The following KCNIP1 variants were observed in gnomAD, a reference collection of about 807,000 sequenced individuals.
KCNIP1 encodes A-type potassium channel modulatory protein KCNIP1.
In KCNIP1, 18 loss-of-function variants were observed where a neutral mutation model predicts 33.0. The ratio of observed to expected loss-of-function variants is 0.55; its 90% CI spans 0.38 to 0.81. The LOEUF (loss-of-function observed/expected upper bound fraction) is 0.81. Among genes scored for constraint, KCNIP1 ranks in the 30% least tolerant of loss-of-function variants. The pLI is 0.00. For missense variants in KCNIP1, 238 were observed against 271.6 expected, an observed-to-expected ratio of 0.88 and a Z score of 0.87; for synonymous variants, 93 against 98.3, an observed-to-expected ratio of 0.95 and a Z score of 0.32.
In KCNIP1 at chr5:170,597,784, A is replaced by AAT. The variant is rs10525595; in HGVS notation, c.61+93196_61+93197dup. ...ACTTCTGATGCTGGAGAGAGAGATA[A>AAT]ATATATATATATATATATATATATA... On this transcript the variant is annotated intron_variant, in intron 1 of 7. Transcript: ENST00000328939. Among the ~76,000 whole-genome samples the AAT allele has an allele frequency of 3.3e-3, 438 of 133,990 alleles. 1 individual carries two copies. Among genetic ancestry groups the AAT allele is most frequent in the African/African-American group, 4.9e-3 (160 of 32,490 alleles). 87.9% of individuals were successfully genotyped at this position (133,990 alleles called of 152,430 possible).
intron 1 of KCNIP1, among the ~76,000 whole-genome samples, chr5:170,390,517 A>AAAAAAAAAAAAATATATAT: frequency 5.4e-5 from 4 of 74,542 alleles, no homozygotes; most frequent in African/African-American, 2.6e-4. Context: ...AAAAAAAACA[A>AAAAAAAAAAAAATATATAT]ATATATATAT....
intron 1 of KCNIP1, among the ~76,000 whole-genome samples, chr5:170,676,441 G>T (rs1581484932): frequency 6.6e-6 from 1 of 152,230 alleles, no homozygotes; most frequent in Non-Finnish European, 1.5e-5. Flanking sequence ...TTAAATAATT[G>T]CTTTCTGATA....
chr5:170,399,556 G>T (rs1259260189), intron 1 of KCNIP1, among the ~76,000 whole-genome samples: 1 of 152,102 alleles, frequency 6.6e-6, no homozygotes, highest in Non-Finnish European at 1.5e-5. Flanking sequence ...AATCAATCAA[G>T]ATTCAATATC....
chr5:170,428,725 A>G (rs1755668868), intron 1 of KCNIP1, among the ~76,000 whole-genome samples: 1 of 151,964 alleles, frequency 6.6e-6, no homozygotes, highest in Non-Finnish European at 1.5e-5. Flanking sequence ...TCACCTTCCC[A>G]CCCTTTATGG....
chr5:170,429,423 G>A (rs1027940466), intron 1 of KCNIP1, among the ~76,000 whole-genome samples: 1 of 152,036 alleles, frequency 6.6e-6, no homozygotes, highest in South Asian at 2.1e-4. Flanking sequence ...TGTAGGTGAA[G>A]CAACTGAAAT....
At chr5:170,599,577 C>T (rs1758611854) in intron 1 of KCNIP1, among the ~76,000 whole-genome samples, 1 of 151,880 alleles carries the variant, frequency 6.6e-6, no homozygotes, top group Admixed American at 6.6e-5. Flanking sequence ...GCCCTCCCAC[C>T]CCGAGATTCC....
rs72835781 is a variant in KCNIP1, at chr5:170,355,073, C to T, written c.88+1109C>T. Among the ~76,000 whole-genome samples the T allele has an allele frequency of 5.3e-3, 804 of 152,284 alleles. 4 individuals are homozygous for T. The highest frequency in any genetic ancestry group is 8.7e-3 in the Non-Finnish European group (595 of 68,016). On this transcript the variant is annotated intron_variant, in intron 1 of 7. Transcript: ENST00000377360. Reference sequence around the variant, plus strand: ...CACCCAGCGGGTCTGGCCCAGTGTACGTTGTGTGGCATGTGTGGGTGGTGG... The same window carrying T: ...CACCCAGCGGGTCTGGCCCAGTGTATGTTGTGTGGCATGTGTGGGTGGTGG...
chr5:170,706,951 T>C (rs913537815), intron 1 of KCNIP1, among the ~76,000 whole-genome samples: 1 of 152,160 alleles, frequency 6.6e-6, no homozygotes, highest in Non-Finnish European at 1.5e-5. Flanking sequence ...ATTGTTCATT[T>C]ACTGGCTATC....
At chr5:170,437,890 G>A (rs193131985) in intron 1 of KCNIP1, among the ~76,000 whole-genome samples, 48 of 152,290 alleles carry the variant, frequency 3.2e-4, no homozygotes, top group Non-Finnish European at 6.5e-4. Context: ...GCACATGACC[G>A]AACAAACCTT....
intron 1 of KCNIP1, among the ~76,000 whole-genome samples, chr5:170,355,477 G>A (rs888998036): frequency 6.6e-6 from 1 of 152,156 alleles, no homozygotes; most frequent in African/African-American, 2.4e-5. Flanking sequence ...TCTCATGGAG[G>A]GCTTGTCCCC....
chr5:170,498,439 T>C lies in KCNIP1; in HGVS notation c.88+144475T>C, dbSNP rs75750816. Among the ~76,000 whole-genome samples, 1,083 of 152,296 alleles carry C rather than the reference T, an allele frequency of 7.1e-3. 12 individuals carry two copies. Among genetic ancestry groups the C allele is most frequent in the African/African-American group, 0.025 (1,023 of 41,552 alleles). ...CTTCCCTGCCCTCTGAAGATCTATA[T>C]GTCCTATGTCATCACTTCACTGTTC... On this transcript the variant is annotated intron_variant, in intron 1 of 7. Coordinates refer to the KCNIP1 transcript ENST00000377360.
intron 1 of KCNIP1, chr5:170,378,357 A>G: frequency 9.1e-6 from 2 of 219,082 alleles, no homozygotes; most frequent in Non-Finnish European, 1.8e-5. Context: ...TTGAGACAAC[A>G]GGGAGAACTC....
chr5:170,710,875 C>T (rs1763420669), intron 1 of KCNIP1, among the ~76,000 whole-genome samples: 1 of 152,166 alleles, frequency 6.6e-6, no homozygotes, highest in African/African-American at 2.4e-5. Flanking sequence ...CCCATGCCAC[C>T]CAGGAGGCAC....
At position 170,718,770 on chromosome 5, in the gene KCNIP1, ATGAGC is replaced by A; in HGVS notation, c.77_81del (p.Glu26GlyfsTer36). On this transcript the variant is annotated frameshift_variant, in exon 2 of 8. Transcript: ENST00000328939. LOFTEE classifies it high-confidence loss of function. ...CCTCTGGTTCCAGATAAGATTGAAG[ATGAGC>A]TGGAGATGACCATGGTTTGCCATCG... 6.2e-7 allele frequency: 1 copy of A among 1,613,612 alleles called. No homozygotes were observed. The highest frequency in any genetic ancestry group is 8.5e-7 in the Non-Finnish European group (1 of 1,179,802).
chr5:170,532,576 G>A (rs1203239563), intron 1 of KCNIP1, among the ~76,000 whole-genome samples: 1 of 152,128 alleles, frequency 6.6e-6, no homozygotes, highest in Non-Finnish European at 1.5e-5. Flanking sequence ...TGGACATGAG[G>A]AGATATTGGT....
chr5:170,362,845 C>G (rs1022404187), intron 1 of KCNIP1, among the ~76,000 whole-genome samples: 1 of 152,276 alleles, frequency 6.6e-6, no homozygotes, highest in South Asian at 2.1e-4. Flanking sequence ...CAGGCTGGGC[C>G]GAGCCCAGGC....
chr5:170,594,129 G>T (rs1758361432), intron 1 of KCNIP1, among the ~76,000 whole-genome samples: 2 of 152,228 alleles, frequency 1.3e-5, no homozygotes, highest in Admixed American at 6.5e-5. Flanking sequence ...CACAGCTAGA[G>T]ATTGGCAACC....
At chr5:170,466,806 C>T (rs1206469308) in intron 1 of KCNIP1, among the ~76,000 whole-genome samples, 2 of 152,254 alleles carry the variant, frequency 1.3e-5, no homozygotes, top group South Asian at 4.1e-4. Context: ...TAATCACCTC[C>T]CCAAATCCCC....
intron 1 of KCNIP1, among the ~76,000 whole-genome samples, chr5:170,551,069 C>T (rs1044333591): frequency 3.9e-5 from 6 of 152,204 alleles, no homozygotes; most frequent in African/African-American, 7.2e-5. Context: ...TGGGTACAGG[C>T]GCACTCACTC....
Sources: allele counts gnomAD v4.1 joint callset (sites outside exome capture counted in the v4.1 genomes callset), GRCh38; gene constraint gnomAD v4.1.1; transcripts MANE v1.5; gene names NCBI Gene and HGNC (gene_info 2026-07-23, HGNC 2026-07-21).